The following IMMP2L variants were observed in gnomAD, a reference collection of about 807,000 sequenced individuals.
The protein encoded by IMMP2L is mitochondrial inner membrane protease subunit 2.
IMMP2L carries 18 observed loss-of-function variants against 19.3 expected under a neutral mutation model. The ratio of observed to expected loss-of-function variants is 0.93; its 90% CI spans 0.64 to 1.38. The LOEUF is 1.38. IMMP2L is among the 40% of genes most tolerant of loss of function. The probability of loss-of-function intolerance (pLI) is 0.00; values close to 1 mark genes in which losing one functional copy is unlikely to be tolerated. For missense variants in IMMP2L, 233 were observed against 218.2 expected (o/e 1.07, Z -0.43); for synonymous variants, 76 against 73.0 (o/e 1.04, Z -0.21).
At chr7:111,402,915 C>A (rs1364890754) in intron 3 of IMMP2L, among the ~76,000 whole-genome samples, 1 of 150,646 alleles carries the variant, frequency 6.6e-6, no homozygotes, top group Non-Finnish European at 1.5e-5. Flanking sequence ...TCTTTCTTTT[C>A]TTTCTCTGAG....
At chr7:111,400,915 AAG>A (rs1300534551) in intron 3 of IMMP2L, among the ~76,000 whole-genome samples, 4 of 152,142 alleles carry the variant, frequency 2.6e-5, no homozygotes, top group African/African-American at 9.6e-5. Flanking sequence ...CATGCCAAAA[AAG>A]AAAAAAAAAA....
chr7:110,874,669 A>C (rs1808886663), intron 5 of IMMP2L, among the ~76,000 whole-genome samples: 1 of 152,118 alleles, frequency 6.6e-6, no homozygotes, highest in Non-Finnish European at 1.5e-5. Flanking sequence ...ATAACATCAG[A>C]ACTTACTCTT....
chr7:111,085,902 C>T (rs773742129), intron 3 of IMMP2L, among the ~76,000 whole-genome samples: 38 of 152,058 alleles, frequency 2.5e-4, no homozygotes, highest in Non-Finnish European at 4.7e-4. Context: ...AACCAAATAC[C>T]ACATGTTCTC....
chr7:110,860,258 A>G (rs1253066420), intron 5 of IMMP2L, among the ~76,000 whole-genome samples: 1 of 152,152 alleles, frequency 6.6e-6, no homozygotes, highest in African/African-American at 2.4e-5. Context: ...CAAATTTTTC[A>G]TTTATCCTAA....
intron 3 of IMMP2L, among the ~76,000 whole-genome samples, chr7:111,002,766 T>A (rs1427067702): frequency 6.6e-6 from 1 of 152,154 alleles, no homozygotes; most frequent in African/African-American, 2.4e-5. Flanking sequence ...ACTCTGGAAA[T>A]CATCCTGATG....
At chr7:111,154,728 T>C (rs1023345877) in intron 3 of IMMP2L, among the ~76,000 whole-genome samples, 1 of 152,136 alleles carries the variant, frequency 6.6e-6, no homozygotes, top group Non-Finnish European at 1.5e-5. Context: ...AAAATCATTG[T>C]ACATTAGTTC....
chr7:111,174,364 C>T (rs938698075), intron 3 of IMMP2L, among the ~76,000 whole-genome samples: 4 of 151,652 alleles, frequency 2.6e-5, no homozygotes, highest in African/African-American at 7.2e-5. Context: ...AAAACCTAGT[C>T]TTCTGACTCC....
At chr7:111,433,619 G>T (rs777586919) in intron 3 of IMMP2L, among the ~76,000 whole-genome samples, 1 of 151,682 alleles carries the variant, frequency 6.6e-6, no homozygotes, top group African/African-American at 2.4e-5. Flanking sequence ...ATGAGATTTG[G>T]GTGGGGACAC....
chr7:110,944,995 C>T (rs1293474565), intron 4 of IMMP2L, among the ~76,000 whole-genome samples: 2 of 151,824 alleles, frequency 1.3e-5, no homozygotes, highest in Non-Finnish European at 2.9e-5. Context: ...TGATAAATTA[C>T]TAGAAATGAA....
chr7:111,266,474 C>T (rs1349125505), intron 3 of IMMP2L, among the ~76,000 whole-genome samples: 2 of 146,960 alleles, frequency 1.4e-5, no homozygotes, highest in African/African-American at 5.1e-5. Context: ...ACCCAGGAGA[C>T]AGAGGTTGCA....
intron 3 of IMMP2L, among the ~76,000 whole-genome samples, chr7:111,103,919 C>A (rs942558034): frequency 1.3e-4 from 19 of 151,492 alleles, no homozygotes; most frequent in South Asian, 2.1e-4. Context: ...TATTGAACAC[C>A]ATTTTGAGAG....
intron 4 of IMMP2L, among the ~76,000 whole-genome samples, chr7:110,900,235 A>T: frequency 6.6e-6 from 1 of 152,164 alleles, no homozygotes; most frequent in East Asian, 1.9e-4. Context: ...ATCCTCCGTA[A>T]ATACATCCCC....
At chr7:110,801,977 G>A (rs1215601540) in intron 5 of IMMP2L, among the ~76,000 whole-genome samples, 1 of 152,040 alleles carries the variant, frequency 6.6e-6, no homozygotes, top group Non-Finnish European at 1.5e-5. Flanking sequence ...CATTCCATAT[G>A]ACAGTGAAGA....
intron 3 of IMMP2L, among the ~76,000 whole-genome samples, 189 bp from the exon 4 acceptor site, chr7:110,963,754 A>G (rs1279449213): frequency 2.0e-5 from 3 of 152,056 alleles, no homozygotes; most frequent in Non-Finnish European, 4.4e-5. Context: ...CTCATTTTAA[A>G]TAAACTCTGG....
At chr7:110,735,934 C>A (rs1177974657) in intron 5 of IMMP2L, among the ~76,000 whole-genome samples, 7 of 150,868 alleles carry the variant, frequency 4.6e-5, no homozygotes, top group Non-Finnish European at 1.0e-4. Context: ...TCATCATAGG[C>A]CCAAACTGCC....
chr7:111,282,841 C>T (rs937635561), intron 3 of IMMP2L, among the ~76,000 whole-genome samples: 2 of 152,168 alleles, frequency 1.3e-5, no homozygotes, highest in African/African-American at 2.4e-5. Context: ...CCTCGGCCTC[C>T]CTAAGTGCTG....
chr7:110,753,955 G>T (rs576281783), intron 5 of IMMP2L, among the ~76,000 whole-genome samples: 1 of 151,854 alleles, frequency 6.6e-6, no homozygotes, highest in Admixed American at 6.6e-5. Flanking sequence ...AAGGTTTTGG[G>T]GCACCATCTA....
At chr7:110,829,269 A>G (rs1044665025) in intron 5 of IMMP2L, among the ~76,000 whole-genome samples, 1 of 152,202 alleles carries the variant, frequency 6.6e-6, no homozygotes, top group Admixed American at 6.5e-5. Context: ...AGACATCACC[A>G]AATATTTTAT....
At chr7:110,868,352 T>C (rs994685038) in intron 5 of IMMP2L, among the ~76,000 whole-genome samples, 3 of 152,058 alleles carry the variant, frequency 2.0e-5, no homozygotes, top group Non-Finnish European at 4.4e-5. Flanking sequence ...GGAATAGTAA[T>C]TATGTTGGAT....
Sources: allele counts gnomAD v4.1 joint callset (sites outside exome capture counted in the v4.1 genomes callset), GRCh38; gene constraint gnomAD v4.1.1; transcripts MANE v1.5; gene names NCBI Gene and HGNC (gene_info 2026-07-23, HGNC 2026-07-21).